Variants in DENND5B observed in about 807,000 individuals in gnomAD.
DENND5B encodes DENN domain containing 5B, also known as DENN domain-containing protein 5B.
DENND5B carries 34 observed loss-of-function variants against 140.6 expected under a neutral mutation model. The observed-to-expected ratio is 0.24, with a 90% CI of 0.18 to 0.32. The LOEUF (loss-of-function observed/expected upper bound fraction) is 0.32, where lower values mean the gene tolerates loss of function less well. DENND5B is among the 10% of genes least tolerant of loss of function. DENND5B has a pLI of 1.00. For synonymous variants in DENND5B, 551 were observed against 562.1 expected, an observed-to-expected ratio of 0.98 and a Z score of 0.28; for missense variants, 1,142 against 1,560.2, an observed-to-expected ratio of 0.73 and a Z score of 4.52.
At chr12:31,398,146 G>A in intron 17 of DENND5B, 29 bp downstream of exon 17, 1 of 1,547,686 alleles carries the variant, frequency 6.5e-7, no homozygotes, top group East Asian at 2.4e-5. Flanking sequence ...CATCATAGGA[G>A]CACATAAGAA....
At chr12:31,391,156 C>A (rs1465344464) in intron 19 of DENND5B, among the ~76,000 whole-genome samples, 1 of 152,280 alleles carries the variant, frequency 6.6e-6, no homozygotes, top group East Asian at 1.9e-4. Context: ...GCACTAAACA[C>A]CCCCTCCCCC....
intron 1 of DENND5B, among the ~76,000 whole-genome samples, chr12:31,547,423 G>A (rs1948899300): frequency 6.6e-6 from 1 of 152,168 alleles, no homozygotes; most frequent in Non-Finnish European, 1.5e-5. Flanking sequence ...TTGTTTTTGA[G>A]ACAGAGTCTC....
chr12:31,461,566 T>G (rs1280236332), intron 3 of DENND5B, among the ~76,000 whole-genome samples: 1 of 152,212 alleles, frequency 6.6e-6, no homozygotes, highest in Non-Finnish European at 1.5e-5. Flanking sequence ...GTATGGTGCA[T>G]ATACCACATA....
In DENND5B at chr12:31,399,275, C is replaced by CT. The variant is rs530514939; in HGVS notation, c.3068+378dup. 8.1e-3 allele frequency among the ~76,000 whole-genome samples: 491 copies of CT among 60,426 alleles called. 16 individuals carry two copies. The highest frequency in any genetic ancestry group is 9.5e-3 in the Non-Finnish European group (316 of 33,376). The allele number at this position is 60,426 out of a possible 152,430, so 39.6% of individuals were successfully genotyped here. On this transcript the variant is annotated intron_variant, in intron 16 of 20. Transcript: ENST00000389082. ...AGGCAGTGGAAGAGTTCAAACAATT[C>CT]TTTTTTTTTTTTTTTTTTTTTGAGA...
At chr12:31,437,465 T>A (rs935867549) in intron 7 of DENND5B, among the ~76,000 whole-genome samples, 14 of 152,164 alleles carry the variant, frequency 9.2e-5, no homozygotes, top group African/African-American at 3.4e-4. Context: ...TACAATTAAG[T>A]AAACAGAGAT....
At chr12:31,450,030 C>T (rs1196749325) in intron 5 of DENND5B, among the ~76,000 whole-genome samples, 1 of 152,044 alleles carries the variant, frequency 6.6e-6, no homozygotes, top group Non-Finnish European at 1.5e-5. Context: ...TGTGCCCAGC[C>T]CACAGATTAG....
chr12:31,582,872 G>C (rs1411973020), intron 1 of DENND5B, among the ~76,000 whole-genome samples: 1 of 152,202 alleles, frequency 6.6e-6, no homozygotes, highest in Non-Finnish European at 1.5e-5. Flanking sequence ...CAAATATAGT[G>C]GTTATGGGTA....
In DENND5B at chr12:31,549,333, T is replaced by C. The variant is rs1351431095; in HGVS notation, c.127+41373A>G. On this transcript the variant is annotated intron_variant, in intron 1 of 20. Coordinates refer to ENST00000389082, the MANE Select transcript of DENND5B (RefSeq NM_144973.4). Reference sequence around the variant, plus strand: ...ACGGCACTGACTTTTTCCTTAATTCTAAGAAAAGGAATCCTGATTTTTTAA... The same window carrying C: ...ACGGCACTGACTTTTTCCTTAATTCCAAGAAAAGGAATCCTGATTTTTTAA... 5.3e-5 allele frequency among the ~76,000 whole-genome samples: 8 copies of C among 152,152 alleles called. No homozygotes were observed. The East Asian group carries it at 1.5e-3, about 29-fold the overall frequency.
chr12:31,499,808 G>C, intron 1 of DENND5B: 2 of 575,066 alleles, frequency 3.5e-6, no homozygotes, highest in South Asian at 3.8e-5. Flanking sequence ...TTAGAATGTA[G>C]CTTAACACCA....
rs547722724 is a variant in DENND5B at position 31,569,047 on chromosome 12, C to A, written c.127+21659G>T. ...TTACAGGTACATACATGCCACCACA[C>A]CCAGCAACATACCTTTTTTTTTTTT... On this transcript the variant is annotated intron_variant, in intron 1 of 20. Transcript: ENST00000389082. 2.0e-5 allele frequency among the ~76,000 whole-genome samples: 3 copies of A among 149,912 alleles called. No homozygotes were observed. In the South Asian group the frequency reaches 6.3e-4, roughly 32 times the overall value.
At chr12:31,394,896 G>A (rs1445419431) in intron 17 of DENND5B, among the ~76,000 whole-genome samples, 1 of 152,128 alleles carries the variant, frequency 6.6e-6, no homozygotes, top group Non-Finnish European at 1.5e-5. Context: ...ACAGGCGTGA[G>A]CCACCGTGCC....
At chr12:31,486,843 T>TA (rs1183474670) in intron 2 of DENND5B, among the ~76,000 whole-genome samples, 1 of 152,224 alleles carries the variant, frequency 6.6e-6, no homozygotes, top group Admixed American at 6.5e-5. Context: ...GTTACTCCTC[T>TA]AAAAAGTATT....
chr12:31,399,487 C>T (rs1205208222), intron 16 of DENND5B, among the ~76,000 whole-genome samples, 167 bp downstream of exon 16: 1 of 151,908 alleles, frequency 6.6e-6, no homozygotes, highest in African/African-American at 2.4e-5. Flanking sequence ...CCATGTTGGT[C>T]AGGCTGGTCT....
At chr12:31,529,904 C>G (rs764010804) in intron 1 of DENND5B, among the ~76,000 whole-genome samples, 1 of 152,080 alleles carries the variant, frequency 6.6e-6, no homozygotes, top group Non-Finnish European at 1.5e-5. Context: ...GCACTTAGCA[C>G]AACTGCACTT....
intron 1 of DENND5B, among the ~76,000 whole-genome samples, chr12:31,509,493 A>T (rs1357623062): frequency 6.6e-6 from 1 of 152,158 alleles, no homozygotes; most frequent in Non-Finnish European, 1.5e-5. Flanking sequence ...AGAGGTTACA[A>T]TGAGCTATGA....
At chr12:31,429,931 T>C (rs1244191304) in intron 8 of DENND5B, among the ~76,000 whole-genome samples, 1 of 152,050 alleles carries the variant, frequency 6.6e-6, no homozygotes, top group East Asian at 1.9e-4. Flanking sequence ...GGTCTCGAAC[T>C]CCCGATCTCA....
At chr12:31,431,985 A>C in intron 8 of DENND5B, 2 of 886,464 alleles carry the variant, frequency 2.3e-6, no homozygotes, top group Non-Finnish European at 2.7e-6. Context: ...CATTCAAGTA[A>C]CACCAAAGAC....
chr12:31,420,175 A>T, intron 11 of DENND5B: 1 of 612,218 alleles, frequency 1.6e-6, no homozygotes, highest in Non-Finnish European at 2.0e-6. Flanking sequence ...CACCCAAGCT[A>T]GAGTGCAGTG....
At chr12:31,478,105 G>A (rs974439159) in intron 3 of DENND5B, 3 of 152,058 alleles carry the variant, frequency 2.0e-5, no homozygotes, top group African/African-American at 7.2e-5. Flanking sequence ...GGTGAAAGAA[G>A]AAAGGAAAGA....
Sources: allele counts gnomAD v4.1 joint callset (sites outside exome capture counted in the v4.1 genomes callset), GRCh38; gene constraint gnomAD v4.1.1; transcripts MANE v1.5; gene names NCBI Gene and HGNC (gene_info 2026-07-23, HGNC 2026-07-21).